The following FNBP1L variants were observed in gnomAD, a reference collection of about 807,000 sequenced individuals.
FNBP1L encodes formin-binding protein 1-like.
FNBP1L carries 36 observed loss-of-function variants against 91.2 expected under a neutral mutation model. That is an observed-to-expected ratio of 0.39 (90% CI 0.30 to 0.52). The LOEUF (loss-of-function observed/expected upper bound fraction) is 0.52. Among genes scored for constraint, FNBP1L ranks in the 20% least tolerant of loss-of-function variants. The pLI, the probability that FNBP1L is intolerant of heterozygous loss-of-function variation, is 0.66. For missense variants in FNBP1L, 571 were observed against 732.1 expected (o/e 0.78, Z 2.54); for synonymous variants, 242 against 237.0 (o/e 1.02, Z -0.19).
In FNBP1L at chr1:93,483,725, T is replaced by C. The variant is rs138741407; in HGVS notation, c.25-15743T>C. On this transcript the variant is annotated intron_variant, in intron 1 of 16. Coordinates refer to ENST00000271234, the MANE Select transcript of FNBP1L (RefSeq NM_001164473.3). ...CTAAGAATAGTATGAGGTCACTCTTTGGAGTTATTCCCATGAATATACCAA... is the reference window on the plus strand; with the variant it reads ...CTAAGAATAGTATGAGGTCACTCTTCGGAGTTATTCCCATGAATATACCAA... Among the ~76,000 whole-genome samples the C allele has an allele frequency of 1.9e-3, 290 of 152,366 alleles. 2 individuals carry two copies. Among genetic ancestry groups the C allele is most frequent in the African/African-American group, 6.7e-3 (279 of 41,592 alleles).
chr1:93,536,506 G>A lies in FNBP1L; in HGVS notation c.1149+16G>A, dbSNP rs1354297765. The A allele has an allele frequency of 1.9e-6, 3 of 1,540,512 alleles. No individual in the cohort carries two copies. Among genetic ancestry groups the A allele is most frequent in the East Asian group, 4.9e-5 (2 of 40,680 alleles). ...CAAAAGAGGGGTAAGTTTAATAATGGGTTAAAATGCATGATGGCCTATTGT... is the reference window on the plus strand; with the variant it reads ...CAAAAGAGGGGTAAGTTTAATAATGAGTTAAAATGCATGATGGCCTATTGT... On this transcript the variant is annotated intron_variant, in intron 10 of 16. Coordinates refer to ENST00000271234, the MANE Select transcript of FNBP1L (RefSeq NM_001164473.3).
At chr1:93,464,025 C>T (rs1246793103) in intron 1 of FNBP1L, among the ~76,000 whole-genome samples, 2 of 152,020 alleles carry the variant, frequency 1.3e-5, no homozygotes, top group African/African-American at 4.8e-5. Context: ...CCTAAAAATC[C>T]CCTGTGGCCT....
chr1:93,512,417 C>T (rs1316770690), intron 2 of FNBP1L, among the ~76,000 whole-genome samples: 3,304 of 151,346 alleles, frequency 0.022, 124 homozygotes, highest in African/African-American at 0.077. Flanking sequence ...CTGCACCAAG[C>T]GGACCTAATA....
chr1:93,471,425 C>T (rs1049171832), intron 1 of FNBP1L, among the ~76,000 whole-genome samples: 6 of 152,190 alleles, frequency 3.9e-5, no homozygotes, highest in Admixed American at 6.5e-5. Context: ...GGCACTGTAG[C>T]GCATGCCTGA....
At chr1:93,509,960 T>C (rs1168285210) in intron 2 of FNBP1L, among the ~76,000 whole-genome samples, 4 of 152,220 alleles carry the variant, frequency 2.6e-5, no homozygotes, top group Non-Finnish European at 5.9e-5. Flanking sequence ...CGGAGGGTCC[T>C]ACGCCCACGG....
chr1:93,466,720 T>G (rs1231535716), intron 1 of FNBP1L, among the ~76,000 whole-genome samples: 2 of 152,116 alleles, frequency 1.3e-5, no homozygotes, highest in Non-Finnish European at 2.9e-5. Flanking sequence ...TTTGAAGTAG[T>G]TTTTCCAATT....
chr1:93,492,301 A>G (rs1479095565), intron 1 of FNBP1L, among the ~76,000 whole-genome samples: 1 of 152,188 alleles, frequency 6.6e-6, no homozygotes, highest in Admixed American at 6.5e-5. Flanking sequence ...AAGAAGAGAA[A>G]AGCCAGTAAA....
intron 3 of FNBP1L, 112 bp downstream of exon 3, chr1:93,522,247 AT>A: frequency 2.2e-6 from 1 of 447,450 alleles, no homozygotes; most frequent in East Asian, 5.3e-5. Context: ...ATAAAGTTTA[AT>A]TTAAAAATTA....
chr1:93,469,369 A>G (rs1210168015), intron 1 of FNBP1L, among the ~76,000 whole-genome samples: 2 of 151,882 alleles, frequency 1.3e-5, no homozygotes, highest in Non-Finnish European at 2.9e-5. Flanking sequence ...GTTTGCTGAG[A>G]ATGATGGTTT....
chr1:93,551,376 T>C (rs1346164371), intron 16 of FNBP1L: 1 of 1,084,708 alleles, frequency 9.2e-7, no homozygotes, highest in Non-Finnish European at 1.1e-6. Context: ...TAAGTCTGTG[T>C]GAAGGATTTG....
intron 2 of FNBP1L, among the ~76,000 whole-genome samples, chr1:93,515,389 A>T (rs1198536763): frequency 6.6e-6 from 1 of 151,698 alleles, no homozygotes; most frequent in East Asian, 1.9e-4. Flanking sequence ...TAGAAATACC[A>T]TTTGACCCAG....
chr1:93,494,309 C>T (rs1200033753), intron 1 of FNBP1L, among the ~76,000 whole-genome samples: 4 of 152,192 alleles, frequency 2.6e-5, no homozygotes, highest in Non-Finnish European at 5.9e-5. Flanking sequence ...TCTTCTGTTC[C>T]TGTGGAGTTG....
chr1:93,554,294 G>A lies in FNBP1L; in HGVS notation c.*1878G>A, dbSNP rs1178495261. On this transcript the variant is annotated 3_prime_UTR_variant, in exon 17 of 17. Coordinates refer to ENST00000271234, the MANE Select transcript of FNBP1L (RefSeq NM_001164473.3). ...TCTGTACAAAGCCTGAAGTGCTTAT[G>A]GTTTTTTGGCTAACAGCCACAGAGG... is the stretch of plus-strand genomic sequence containing the variant. 2 of 152,650 alleles carry A rather than the reference G, an allele frequency of 1.3e-5. No individual in the cohort carries two copies. The highest frequency in any genetic ancestry group is 2.9e-5 in the Non-Finnish European group (2 of 68,038). The allele number at this position is 152,650 out of a possible 1,614,324, so 9.5% of individuals were successfully genotyped here.
chr1:93,521,956 C>T, intron 2 of FNBP1L, 126 bp from the exon 3 acceptor site: 1 of 437,214 alleles, frequency 2.3e-6, no homozygotes, highest in East Asian at 4.1e-5. Context: ...GAGTAGAGAT[C>T]ATATTGCTGT....
chr1:93,487,961 C>G (rs1669963581), intron 1 of FNBP1L, among the ~76,000 whole-genome samples: 3 of 152,300 alleles, frequency 2.0e-5, no homozygotes, highest in Admixed American at 1.3e-4. Context: ...TTAAGGACAT[C>G]TCAAATTTAA....
chr1:93,513,255 T>G (rs930249559), intron 2 of FNBP1L, among the ~76,000 whole-genome samples: 4 of 151,332 alleles, frequency 2.6e-5, no homozygotes, highest in South Asian at 2.1e-4. Flanking sequence ...AATAACAGGA[T>G]CTGAAATTGT....
At chr1:93,538,645 A>G (rs1471493204) in intron 10 of FNBP1L, among the ~76,000 whole-genome samples, 3 of 150,442 alleles carry the variant, frequency 2.0e-5, no homozygotes, top group South Asian at 2.2e-4. Flanking sequence ...AATTTTCTCA[A>G]TATAGAAAAA....
chr1:93,462,511 A>G (rs975982175), intron 1 of FNBP1L, among the ~76,000 whole-genome samples: 1 of 151,768 alleles, frequency 6.6e-6, no homozygotes, highest in Admixed American at 6.6e-5. Context: ...TTTGTTCCAT[A>G]TTACATTTAG....
chr1:93,464,199 T>C (rs2101690764), intron 1 of FNBP1L, among the ~76,000 whole-genome samples: 1 of 152,286 alleles, frequency 6.6e-6, no homozygotes, highest in South Asian at 2.1e-4. Context: ...AAACATATGA[T>C]TCAGCAATTT....
Sources: gnomAD v4.1 joint callset for allele counts (sites outside exome capture counted in the v4.1 genomes callset) on GRCh38, gnomAD v4.1.1 for gene constraint, MANE v1.5 for transcripts, NCBI Gene and HGNC (gene_info 2026-07-23, HGNC 2026-07-21) for gene names.